The following WWOX variants were observed in gnomAD, a reference collection of about 807,000 sequenced individuals.
The protein encoded by WWOX is WW domain-containing oxidoreductase.
Under a neutral mutation model 46.2 loss-of-function variants are expected in WWOX, and 69 were observed. The observed-to-expected ratio is 1.49, with a 90% CI of 1.23 to 1.82. WWOX has a LOEUF of 1.82. Ranked by LOEUF, WWOX falls within the 40% of genes most tolerant of loss-of-function variation. The pLI, the probability that WWOX is intolerant of heterozygous loss-of-function variation, is 0.00. For missense variants in WWOX, 919 were observed against 542.6 expected, an observed-to-expected ratio of 1.69 and a Z score of -6.89; for synonymous variants, 359 against 202.6, an observed-to-expected ratio of 1.77 and a Z score of -6.56.
intron 5 of WWOX, among the ~76,000 whole-genome samples, chr16:78,332,559 A>G (rs182575685): frequency 1.3e-5 from 2 of 152,264 alleles, no homozygotes; most frequent in East Asian, 1.9e-4. Flanking sequence ...ACAAACATCC[A>G]TTTGTCCACC....
rs553450343 is a variant in WWOX at position 78,350,500 on chromosome 16, T to A, written c.517-36360T>A. ...GCTCCAGGTAACCACTCATCTACTT[T>A]CTGTCTCTATATAGATTTGCCTATT... On this transcript the variant is annotated intron_variant, in intron 5 of 8. Coordinates refer to ENST00000566780, the MANE Select transcript of WWOX (RefSeq NM_016373.4). 1.6e-5 allele frequency among the ~76,000 whole-genome samples: 2 copies of A among 121,216 alleles called. 1 individual carries two copies. The highest frequency in any genetic ancestry group is 5.6e-5 in the African/African-American group (2 of 35,820). The allele number at this position is 121,216 out of a possible 152,430, so 79.5% of individuals were successfully genotyped here.
intron 8 of WWOX, among the ~76,000 whole-genome samples, chr16:79,049,894 G>T (rs72795618): frequency 0.012 from 1,836 of 151,548 alleles, 22 homozygotes; most frequent in Middle Eastern, 0.031. Flanking sequence ...GCAGTACCCA[G>T]CCATGCAGAA....
At chr16:78,667,946 T>G (rs1243780320) in intron 8 of WWOX, among the ~76,000 whole-genome samples, 2 of 152,088 alleles carry the variant, frequency 1.3e-5, no homozygotes, top group African/African-American at 2.4e-5. Flanking sequence ...TCTGTGCTGC[T>G]CTCAGCCAAA....
At chr16:78,683,152 A>C (rs1214522247) in intron 8 of WWOX, among the ~76,000 whole-genome samples, 1 of 152,180 alleles carries the variant, frequency 6.6e-6, no homozygotes, top group African/African-American at 2.4e-5. Flanking sequence ...AAGAGCAGGT[A>C]AGGAAAACAC....
At chr16:79,117,554 G>A (rs893718493) in intron 8 of WWOX, among the ~76,000 whole-genome samples, 5 of 152,150 alleles carry the variant, frequency 3.3e-5, no homozygotes, top group African/African-American at 1.2e-4. Context: ...CCTGTGCTTC[G>A]CAGCTTTGAA....
chr16:78,949,363 C>T (rs888800042), intron 8 of WWOX, among the ~76,000 whole-genome samples: 2 of 152,152 alleles, frequency 1.3e-5, no homozygotes, highest in African/African-American at 4.8e-5. Context: ...ATCTGATACA[C>T]TGTCATGGGG....
intron 8 of WWOX, among the ~76,000 whole-genome samples, chr16:79,007,008 C>G (rs564653674): frequency 6.6e-6 from 1 of 152,264 alleles, no homozygotes; most frequent in Non-Finnish European, 1.5e-5. Context: ...AACATATTCA[C>G]AGGTTCTGGT....
intron 8 of WWOX, among the ~76,000 whole-genome samples, chr16:78,925,954 A>C (rs1427000643): frequency 6.6e-6 from 1 of 152,192 alleles, no homozygotes; most frequent in African/African-American, 2.4e-5. Context: ...TTGGGCAGAA[A>C]GACTGTGAAC....
At chr16:79,018,315 T>G (rs2047458344) in intron 8 of WWOX, among the ~76,000 whole-genome samples, 1 of 152,206 alleles carries the variant, frequency 6.6e-6, no homozygotes, top group Non-Finnish European at 1.5e-5. Context: ...AGTTGTTAAT[T>G]AAATACCTAC....
At chr16:78,429,335 T>A (rs2083162582) in intron 7 of WWOX, among the ~76,000 whole-genome samples, 2 of 152,198 alleles carry the variant, frequency 1.3e-5, no homozygotes. Flanking sequence ...GAAGAGTGGA[T>A]ACTTAATGTC....
chr16:79,049,519 A>G (rs1476328255), intron 8 of WWOX, among the ~76,000 whole-genome samples: 1 of 152,108 alleles, frequency 6.6e-6, no homozygotes, highest in Non-Finnish European at 1.5e-5. Context: ...CCCAGATGGC[A>G]TTGTTGAGGG....
At chr16:78,900,894 A>G (rs991125912) in intron 8 of WWOX, among the ~76,000 whole-genome samples, 3 of 151,634 alleles carry the variant, frequency 2.0e-5, no homozygotes, top group African/African-American at 7.3e-5. Context: ...GGAGATGGCT[A>G]CAATACAGAT....
intron 8 of WWOX, among the ~76,000 whole-genome samples, chr16:78,674,424 A>G (rs917363304): frequency 2.0e-5 from 3 of 152,084 alleles, no homozygotes; most frequent in South Asian, 2.1e-4. Context: ...AGCTGGAACT[A>G]CAGGCGTCCG....
intron 8 of WWOX, among the ~76,000 whole-genome samples, chr16:79,095,917 C>G (rs182859756): frequency 1.3e-3 from 169 of 135,058 alleles, no homozygotes; most frequent in Admixed American, 5.5e-3. Context: ...TAGGCATGAT[C>G]TAGCTCACTG....
rs2036232798 is a variant in WWOX at position 78,201,648 on chromosome 16, C to G, written c.516+37359C>G. ...CATCTTTACCCCTCTCCCAGACCCC[C>G]AGTCCCCTCACTGGGCATTCCTTGG... is the stretch of plus-strand genomic sequence containing the variant. On this transcript the variant is annotated intron_variant, in intron 5 of 8. Transcript: ENST00000566780. 2.0e-5 allele frequency among the ~76,000 whole-genome samples: 3 copies of G among 152,082 alleles called. No homozygotes were observed. In the South Asian group the frequency reaches 6.2e-4, roughly 32 times the overall value.
At chr16:78,229,741 C>T (rs1160616637) in intron 5 of WWOX, among the ~76,000 whole-genome samples, 2 of 151,942 alleles carry the variant, frequency 1.3e-5, no homozygotes, top group Non-Finnish European at 1.5e-5. Flanking sequence ...ATGTGGAATC[C>T]CATTAGTCAA....
At chr16:78,580,137 A>C (rs920812485) in intron 8 of WWOX, among the ~76,000 whole-genome samples, 14 of 150,620 alleles carry the variant, frequency 9.3e-5, no homozygotes, top group Non-Finnish European at 1.2e-4. Flanking sequence ...GCAGTGGTGC[A>C]ATCTCGGCTC....
rs145941566 is a variant in WWOX, at chr16:79,208,679, C to A, written c.1057-2929C>A. ...AATGCTTTCTCTTTTATTGGCAGTA[C>A]CTGCTTGTTTACTATTGAGATTTCA... is the stretch of plus-strand genomic sequence containing the variant. On this transcript the variant is annotated intron_variant, in intron 8 of 8. Coordinates refer to ENST00000566780, the MANE Select transcript of WWOX (RefSeq NM_016373.4). 8.1e-4 allele frequency among the ~76,000 whole-genome samples: 123 copies of A among 151,704 alleles called. No homozygotes were observed. In the Middle Eastern group the frequency reaches 0.014, roughly 17 times the overall value.
chr16:78,611,749 G>T (rs2045905634), intron 8 of WWOX, among the ~76,000 whole-genome samples: 1 of 152,222 alleles, frequency 6.6e-6, no homozygotes, highest in South Asian at 2.1e-4. Context: ...CTGATGGTTG[G>T]CTGCTGCTCT....
Sources: gnomAD v4.1 joint callset for allele counts (sites outside exome capture counted in the v4.1 genomes callset) on GRCh38, gnomAD v4.1.1 for gene constraint, MANE v1.5 for transcripts, NCBI Gene and HGNC (gene_info 2026-07-23, HGNC 2026-07-21) for gene names.